The following SLIT1 variants were observed in gnomAD, a reference collection of about 807,000 sequenced individuals.
SLIT1 encodes the protein slit guidance ligand 1.
A neutral mutation model predicts 186.1 loss-of-function variants in SLIT1; 66 were observed. That is an observed-to-expected ratio of 0.35 (90% CI 0.29 to 0.44). SLIT1 has a LOEUF of 0.44. SLIT1 is among the 20% of genes least tolerant of loss of function. The pLI is 1.00. For missense variants in SLIT1, 1,638 were observed against 2,037.4 expected (o/e 0.80, Z 3.77); for synonymous variants, 761 against 833.8 (o/e 0.91, Z 1.50).
intron 28 of SLIT1, 136 bp from the exon 29 acceptor site, chr10:97,014,294 G>C: frequency 1.0e-6 from 1 of 955,272 alleles, no homozygotes; most frequent in Non-Finnish European, 1.6e-6. Flanking sequence ...TGCTGGGTAG[G>C]GTTAGAGGTG....
At chr10:97,173,996 C>T (rs545879311) in intron 1 of SLIT1, among the ~76,000 whole-genome samples, 18 of 152,206 alleles carry the variant, frequency 1.2e-4, no homozygotes, top group South Asian at 2.1e-4. Flanking sequence ...TCAATATCAG[C>T]GCTTCCTTCT....
At chr10:97,076,812 TC>T (rs772300572) in intron 4 of SLIT1, among the ~76,000 whole-genome samples, 25 of 152,184 alleles carry the variant, frequency 1.6e-4, no homozygotes, top group Non-Finnish European at 2.9e-4. Flanking sequence ...TTTCATCTTC[TC>T]CAGAAGTTCA....
intron 26 of SLIT1, 22 bp from the exon 27 acceptor site, chr10:97,019,129 A>C: frequency 5.8e-6 from 6 of 1,027,276 alleles, no homozygotes; most frequent in Non-Finnish European, 8.9e-6. Context: ...GGAGGGTGCT[A>C]GTGCAGGGGG....
At chr10:97,140,738 C>T (rs1029993945) in intron 4 of SLIT1, among the ~76,000 whole-genome samples, 3 of 152,306 alleles carry the variant, frequency 2.0e-5, no homozygotes, top group East Asian at 1.9e-4. Flanking sequence ...CAGGGGAGAA[C>T]GGGCTCCTCG....
At chr10:97,032,046 G>A (rs1848596137) in intron 23 of SLIT1, among the ~76,000 whole-genome samples, 1 of 152,206 alleles carries the variant, frequency 6.6e-6, no homozygotes, top group Non-Finnish European at 1.5e-5. Flanking sequence ...TTCCCTAAGG[G>A]GCTGCCCCAG....
At chr10:97,093,741 CCAGCGGGCA>C (rs1309833282) in intron 4 of SLIT1, among the ~76,000 whole-genome samples, 1 of 152,204 alleles carries the variant, frequency 6.6e-6, no homozygotes, top group Non-Finnish European at 1.5e-5. Context: ...AAACCCAATT[CCAGCGGGCA>C]CAGAAGTCAC....
chr10:97,175,985 C>T (rs1188951437), intron 1 of SLIT1, among the ~76,000 whole-genome samples: 2 of 152,220 alleles, frequency 1.3e-5, no homozygotes. Context: ...GCTAAACTGG[C>T]AGGTGTTTTA....
In SLIT1 at chr10:97,010,998, G is replaced by A. The variant is rs776045110; in HGVS notation, c.3336C>T (p.Gly1112=). The change falls in exon 31 of 37, where the codon GGC becomes GGT. Residue 1112 remains glycine (G), a synonymous_variant. Transcript: ENST00000266058. This position sits in a 1 kb window ranked among gnomAD's most constrained non-coding sequence, Gnocchi z 4.8. The part of the protein sequence containing the change: ...VNSYSCLCAE[G]YSGQLCEIPP... ...TGTGTCCAGGGGCTGCTCACCTGTA[G>A]CCCTCAGCACAGAGGCAGGAGTAGC... 1 of 1,614,020 alleles carries A rather than the reference G, an allele frequency of 6.2e-7. No individual in the cohort carries two copies. Among genetic ancestry groups the A allele is most frequent in the Non-Finnish European group, 8.5e-7 (1 of 1,179,906 alleles).
chr10:97,045,833 C>T (rs1158458460), intron 18 of SLIT1, among the ~76,000 whole-genome samples: 1 of 152,254 alleles, frequency 6.6e-6, no homozygotes, highest in Non-Finnish European at 1.5e-5. Context: ...CTACATCCTG[C>T]TGCAGATTTG....
chr10:97,166,540 A>G (rs1850110527), intron 1 of SLIT1, among the ~76,000 whole-genome samples: 1 of 94,962 alleles, frequency 1.1e-5, no homozygotes, highest in Admixed American at 1.1e-4. Context: ...AGAAGGAAGG[A>G]AGGAAGGAAG....
chr10:97,058,059 A>T, intron 11 of SLIT1: 1 of 717,366 alleles, frequency 1.4e-6, no homozygotes, highest in Non-Finnish European at 2.6e-6. Flanking sequence ...CTGCAGTGGG[A>T]GCTGTGTGTG....
chr10:97,133,692 TA>T (rs1849675732), intron 4 of SLIT1, among the ~76,000 whole-genome samples: 1 of 152,276 alleles, frequency 6.6e-6, no homozygotes, highest in South Asian at 2.1e-4. Context: ...TTTAATAAAA[TA>T]AAAGTGAAAC....
chr10:97,037,689 G>T lies in SLIT1; in HGVS notation c.2366+9C>A, dbSNP rs1589370504. 15 of 1,607,864 alleles carry T rather than the reference G, an allele frequency of 9.3e-6. No individual in the cohort carries two copies. The highest frequency in any genetic ancestry group is 1.3e-5 in the Non-Finnish European group (15 of 1,174,778). On this transcript the variant is annotated intron_variant, in intron 22 of 36. Transcript: ENST00000266058. ...GGCCCTCCTGTCCTCAAGCGGCCTG[G>T]ATACTTACACGAGCTGCAGGTACTT...
intron 1 of SLIT1, among the ~76,000 whole-genome samples, chr10:97,182,794 G>C (rs1179506359): frequency 6.6e-6 from 1 of 152,130 alleles, no homozygotes; most frequent in Non-Finnish European, 1.5e-5. Context: ...GCCCATATCG[G>C]GCCAGGCATG....
intron 4 of SLIT1, among the ~76,000 whole-genome samples, chr10:97,091,072 T>C (rs370182477): frequency 1.3e-5 from 2 of 152,270 alleles, no homozygotes; most frequent in East Asian, 3.8e-4. Context: ...ATAGCTACTC[T>C]GTTCACTCCG....
chr10:97,038,325 G>T (rs1281582299), intron 21 of SLIT1, among the ~76,000 whole-genome samples: 1 of 152,088 alleles, frequency 6.6e-6, no homozygotes, highest in Non-Finnish European at 1.5e-5. Context: ...CTCACAGCTT[G>T]CTTTCCTTGC....
At chr10:97,056,285 T>G (rs200892154) in intron 13 of SLIT1, 36 bp downstream of exon 13, 16 of 1,609,960 alleles carry the variant, frequency 9.9e-6, no homozygotes, top group Non-Finnish European at 1.4e-5. Flanking sequence ...GCCCACCTGC[T>G]GGGAGGGGAG....
intron 4 of SLIT1, among the ~76,000 whole-genome samples, chr10:97,079,102 GT>G (rs1410121176): frequency 6.6e-6 from 1 of 152,236 alleles, no homozygotes; most frequent in East Asian, 1.9e-4. Context: ...CCTTGGGCAA[GT>G]TACTTAACCT....
rs1000302689 is a variant in SLIT1 at position 97,185,909 on chromosome 10, C to T, written c.-235G>A. 17 of 490,360 alleles carry T rather than the reference C, an allele frequency of 3.5e-5. No individual in the cohort carries two copies. In the Admixed American group the frequency reaches 7.3e-4, roughly 21 times the overall value. The allele number at this position is 490,360 out of a possible 1,614,324, so 30.4% of individuals were successfully genotyped here. A position where few individuals can be genotyped will look rare whatever the true frequency, so the allele number is the denominator to read the frequency against. On this transcript the variant is annotated 5_prime_UTR_variant, in exon 1 of 37. Coordinates refer to ENST00000266058, the MANE Select transcript of SLIT1 (RefSeq NM_003061.3). ...GCTCGGCTCCTCTGCCGTTTCGCCGCCTGCGTCTCCCTCTCCCTCCCTCCA... is the reference window on the plus strand; with the variant it reads ...GCTCGGCTCCTCTGCCGTTTCGCCGTCTGCGTCTCCCTCTCCCTCCCTCCA...
Sources: gnomAD v4.1 joint callset for allele counts (sites outside exome capture counted in the v4.1 genomes callset) on GRCh38, gnomAD v4.1.1 for gene constraint, Gnocchi (gnomAD v3.1) non-coding constraint, MANE v1.5 for transcripts, NCBI Gene and HGNC (gene_info 2026-07-23, HGNC 2026-07-21) for gene names.